Variants in DLG1 observed in about 807,000 individuals in gnomAD.
The protein encoded by DLG1 is disks large homolog 1.
In DLG1, 42 loss-of-function variants were observed where a neutral mutation model predicts 123.4. The ratio of observed to expected loss-of-function variants is 0.34; its 90% confidence interval spans 0.27 to 0.44. The LOEUF is 0.44. Ranked by LOEUF, DLG1 falls within the 20% of genes least tolerant of loss-of-function variation. The pLI, the probability that DLG1 is intolerant of heterozygous loss-of-function variation, is 1.00. For synonymous variants in DLG1, 317 were observed against 356.2 expected (o/e 0.89, Z 1.24); for missense variants, 942 against 1,082.6 (o/e 0.87, Z 1.82).
intron 16 of DLG1, among the ~76,000 whole-genome samples, chr3:197,081,668 T>C (rs1290458187): frequency 6.8e-6 from 1 of 147,358 alleles, no homozygotes; most frequent in Non-Finnish European, 1.5e-5. Context: ...TGTGTAAATA[T>C]ATAAATAACC....
intron 4 of DLG1, among the ~76,000 whole-genome samples, chr3:197,251,047 G>C (rs766102606): frequency 1.3e-5 from 2 of 149,826 alleles, no homozygotes; most frequent in African/African-American, 2.5e-5. Flanking sequence ...CCATGCTCAT[G>C]AAGTGGAGGA....
chr3:197,160,159 T>G (rs1170566268), intron 5 of DLG1, among the ~76,000 whole-genome samples: 2 of 152,194 alleles, frequency 1.3e-5, no homozygotes, highest in Admixed American at 6.5e-5. Context: ...TTTATAAGAC[T>G]ATGCAAGATC....
intron 4 of DLG1, among the ~76,000 whole-genome samples, chr3:197,273,107 T>C (rs1052479155): frequency 3.3e-5 from 5 of 152,152 alleles, no homozygotes; most frequent in African/African-American, 7.2e-5. Flanking sequence ...TGTATCTTTA[T>C]GTAAGAATAT....
Position 197,044,131 on chromosome 3 carries a change from AAC to A in DLG1, c.*490_*491del, listed in dbSNP as rs1287426770. The A allele has an allele frequency of 6.6e-6, 1 of 152,230 alleles. No individual in the cohort carries two copies. The highest frequency in any genetic ancestry group is 1.5e-5 in the Non-Finnish European group (1 of 68,060). The allele number at this position is 152,230 out of a possible 1,614,324, so 9.4% of individuals were successfully genotyped here. A position where few individuals can be genotyped will look rare whatever the true frequency, so the allele number is the denominator to read the frequency against. ...AAATGTCCTTATTTATCTATAATGAAACAATTGCTTTGATGATAGAAGTTGAT... is the reference window on the plus strand; with the variant it reads ...AAATGTCCTTATTTATCTATAATGAAAATTGCTTTGATGATAGAAGTTGAT... On this transcript the variant is annotated 3_prime_UTR_variant, in exon 25 of 25. Coordinates refer to ENST00000667157, the MANE Select transcript of DLG1 (RefSeq NM_001366207.1).
chr3:197,157,210 C>A (rs564970351), intron 5 of DLG1, among the ~76,000 whole-genome samples: 1 of 152,260 alleles, frequency 6.6e-6, no homozygotes, highest in African/African-American at 2.4e-5. Context: ...AAATAAAAGA[C>A]ATCCAAATTA....
At position 197,060,044 on chromosome 3, in the gene DLG1, C is replaced by T. The variant is rs760363810; in HGVS notation, c.2374-46G>A. On this transcript the variant is annotated intron_variant, in intron 22 of 24. Transcript: ENST00000667157. ...AAAAAAAACAAGTGAGCCAAATATT[C>T]TCAATAATATCAAAGGTACTTTTCC... 3 of 1,356,618 alleles carry T rather than the reference C, an allele frequency of 2.2e-6. No individual in the cohort carries two copies. In the Admixed American group the frequency reaches 5.4e-5, roughly 24 times the overall value. The allele number at this position is 1,356,618 out of a possible 1,614,324, so 84.0% of individuals were successfully genotyped here.
chr3:197,294,034 T>C (rs368517680), intron 3 of DLG1: 6 of 152,338 alleles, frequency 3.9e-5, no homozygotes, highest in African/African-American at 1.4e-4. Flanking sequence ...TGACACTGTT[T>C]CAAAACAATG....
At chr3:197,205,227 G>A (rs1471153000) in intron 4 of DLG1, among the ~76,000 whole-genome samples, 2 of 151,996 alleles carry the variant, frequency 1.3e-5, no homozygotes, top group African/African-American at 4.8e-5. Flanking sequence ...AAATTGTGTT[G>A]TTATGATTTT....
At chr3:197,215,721 T>C (rs1268813842) in intron 4 of DLG1, among the ~76,000 whole-genome samples, 1 of 152,052 alleles carries the variant, frequency 6.6e-6, no homozygotes, top group Non-Finnish European at 1.5e-5. Flanking sequence ...TTCAAAAATA[T>C]ACAAAATCAA....
intron 4 of DLG1, among the ~76,000 whole-genome samples, chr3:197,233,081 G>A (rs1018329000): frequency 1.2e-4 from 18 of 152,066 alleles, no homozygotes; most frequent in Admixed American, 8.5e-4. Context: ...GGAAGGAATC[G>A]TCAGAAAACT....
intron 4 of DLG1, among the ~76,000 whole-genome samples, chr3:197,198,484 C>A (rs1723812400): frequency 3.0e-5 from 2 of 66,760 alleles, no homozygotes; most frequent in South Asian, 6.2e-4. Flanking sequence ...GAGACTCAGT[C>A]TCCAAAAAAA....
At chr3:197,288,743 A>AAATACATACATACATAC (rs1553827364) in intron 3 of DLG1, among the ~76,000 whole-genome samples, 2 of 72,100 alleles carry the variant, frequency 2.8e-5, no homozygotes, top group African/African-American at 7.3e-5. Context: ...AAAAAAAAAA[A>AAATACATACATACATAC]ATACATACAT....
Position 197,138,283 on chromosome 3 carries a change from T to C in DLG1, c.822A>G (p.Val274=). ...TTTCTGACACTGGTTTCCTTCTTTTTACATACAAGCGTACAATAGACCCTG... is the reference window on the plus strand; with the variant it reads ...TTTCTGACACTGGTTTCCTTCTTTTCACATACAAGCGTACAATAGACCCTG... ...KEAGSIVRLY[V]KRRKPVSEKI... The change falls in exon 9 of 25, where the codon GTA becomes GTG. Residue 274 remains valine (V), a synonymous_variant. Transcript: ENST00000667157. 2 of 1,603,690 alleles carry C rather than the reference T, an allele frequency of 1.2e-6. No homozygotes were observed. Among genetic ancestry groups the C allele is most frequent in the South Asian group, 1.1e-5 (1 of 89,742 alleles).
intron 13 of DLG1, among the ~76,000 whole-genome samples, chr3:197,111,496 T>G (rs1769980059): frequency 6.6e-6 from 1 of 152,246 alleles, no homozygotes; most frequent in Non-Finnish European, 1.5e-5. Context: ...TATTAATCTT[T>G]TAAGTCCATT....
chr3:197,225,004 C>G (rs148866603), intron 4 of DLG1, among the ~76,000 whole-genome samples: 2 of 152,176 alleles, frequency 1.3e-5, no homozygotes, highest in Admixed American at 1.3e-4. Context: ...TGGCCCAGGC[C>G]GGAGTGCAGT....
chr3:197,232,976 C>G (rs941830367), intron 4 of DLG1, among the ~76,000 whole-genome samples: 2 of 152,066 alleles, frequency 1.3e-5, no homozygotes, highest in Non-Finnish European at 1.5e-5. Context: ...CAAAACTGTA[C>G]TGGACATTCT....
chr3:197,225,082 A>G (rs1446863753), intron 4 of DLG1, among the ~76,000 whole-genome samples: 1 of 152,040 alleles, frequency 6.6e-6, no homozygotes, highest in Non-Finnish European at 1.5e-5. Flanking sequence ...TCAGCCCCCC[A>G]AGTAGCTGGG....
chr3:197,151,767 G>C (rs996528300), intron 5 of DLG1, among the ~76,000 whole-genome samples: 3 of 152,252 alleles, frequency 2.0e-5, no homozygotes, highest in African/African-American at 7.2e-5. Flanking sequence ...ATTCAGCCAA[G>C]TGCAGTGGCT....
intron 14 of DLG1, among the ~76,000 whole-genome samples, chr3:197,094,083 GCT>G (rs1272602024): frequency 6.6e-6 from 1 of 152,142 alleles, no homozygotes; most frequent in Admixed American, 6.6e-5. Context: ...ACATGATGGT[GCT>G]CTGAGCCCAA....
Sources: gnomAD v4.1 joint callset for allele counts (sites outside exome capture counted in the v4.1 genomes callset) on GRCh38, gnomAD v4.1.1 for gene constraint, MANE v1.5 for transcripts, NCBI Gene and HGNC (gene_info 2026-07-23, HGNC 2026-07-21) for gene names.